The following XPR1 variants were observed in gnomAD, a reference collection of about 807,000 sequenced individuals.
XPR1 encodes solute carrier family 53 member 1.
In XPR1, 28 loss-of-function variants were observed where a neutral mutation model predicts 87.5. The ratio of observed to expected loss-of-function variants is 0.32; its 90% CI spans 0.24 to 0.44. XPR1 has a LOEUF of 0.44. Among genes scored for constraint, XPR1 ranks in the 20% least tolerant of loss-of-function variants. XPR1 has a pLI of 1.00. For missense variants in XPR1, 559 were observed against 862.3 expected, an observed-to-expected ratio of 0.65 and a Z score of 4.41; for synonymous variants, 300 against 306.1, an observed-to-expected ratio of 0.98 and a Z score of 0.21.
At chr1:180,850,293 G>A (rs940100189) in intron 11 of XPR1, among the ~76,000 whole-genome samples, 1 of 152,086 alleles carries the variant, frequency 6.6e-6, no homozygotes, top group South Asian at 2.1e-4. Flanking sequence ...TAGAATATTG[G>A]CAGGCTGTAT....
chr1:180,832,411 A>G (rs890802712), intron 9 of XPR1, among the ~76,000 whole-genome samples: 5 of 152,092 alleles, frequency 3.3e-5, no homozygotes, highest in African/African-American at 1.2e-4. Flanking sequence ...CCATTTGTCA[A>G]TTTTGGCTTT....
chr1:180,792,905 A>T (rs978914298), intron 3 of XPR1, among the ~76,000 whole-genome samples: 1 of 143,314 alleles, frequency 7.0e-6, no homozygotes, highest in African/African-American at 2.9e-5. Context: ...GCCTAATGTT[A>T]AAAAAAAAGT....
At position 180,825,161 on chromosome 1, in the gene XPR1, C is replaced by T. The variant is rs184355955; in HGVS notation, c.955-4C>T. On this transcript the variant is annotated splice_region_variant and splice_polypyrimidine_tract_variant and intron_variant, in intron 8 of 14. Transcript: ENST00000367590. ...ATCTTTCTGTCTTCCCCATCCTTTA[C>T]TAGATTGCTGGATTCCTCGGGATAT... 22 of 1,599,794 alleles carry T rather than the reference C, an allele frequency of 1.4e-5. No homozygotes were observed. The African/African-American group carries it at 2.2e-4, about 16-fold the overall frequency.
chr1:180,884,357 C>G lies in XPR1; in HGVS notation c.*291C>G, dbSNP rs909212297. ...GTATCTTATGGATTGTTTACAATCA[C>G]AAGGACATAGATACCTATCAGGATG... On this transcript the variant is annotated 3_prime_UTR_variant, in exon 15 of 15. Coordinates refer to ENST00000367590, the MANE Select transcript of XPR1 (RefSeq NM_004736.4). 9 of 275,102 alleles carry G rather than the reference C, an allele frequency of 3.3e-5. No individual in the cohort carries two copies. The highest frequency in any genetic ancestry group is 2.0e-4 in the African/African-American group (9 of 44,730). The allele number at this position is 275,102 out of a possible 1,614,324, so 17.0% of individuals were successfully genotyped here.
At position 180,749,985 on chromosome 1, in the gene XPR1, A is replaced by G. The variant is rs543311285; in HGVS notation, c.122-37768A>G. Among the ~76,000 whole-genome samples the G allele has an allele frequency of 4.6e-5, 7 of 152,310 alleles. No individual in the cohort carries two copies. In the South Asian group the frequency reaches 1.5e-3, roughly 32 times the overall value. ...TGCTGGGTCAGATCTAAAAATACCA[A>G]TACTTCATTATATTTCAAAGAGGGA... On this transcript the variant is annotated intron_variant, in intron 2 of 14. Transcript: ENST00000367590.
At chr1:180,748,788 C>T (rs1647393368) in intron 2 of XPR1, among the ~76,000 whole-genome samples, 1 of 152,162 alleles carries the variant, frequency 6.6e-6, no homozygotes, top group Non-Finnish European at 1.5e-5. Flanking sequence ...CTTCCCAACT[C>T]TGTATTCAGT....
intron 1 of XPR1, among the ~76,000 whole-genome samples, chr1:180,680,634 A>T (rs1279374741): frequency 6.6e-6 from 1 of 152,158 alleles, no homozygotes; most frequent in East Asian, 1.9e-4. Context: ...AAGTGCTGGG[A>T]TTGCAGGCGT....
intron 3 of XPR1, among the ~76,000 whole-genome samples, chr1:180,791,268 T>A (rs1649367833): frequency 6.6e-6 from 1 of 151,892 alleles, no homozygotes; most frequent in South Asian, 2.1e-4. Context: ...AGATACTTTG[T>A]TTTTTTTGTT....
chr1:180,705,268 C>T (rs954116933), intron 2 of XPR1, among the ~76,000 whole-genome samples: 1 of 152,064 alleles, frequency 6.6e-6, no homozygotes, highest in African/African-American at 2.4e-5. Flanking sequence ...AGTGCCAATT[C>T]GTGTTTCCTG....
Position 180,843,744 on chromosome 1 carries a change from G to A in XPR1, c.1501+7028G>A, listed in dbSNP as rs572784630. On this transcript the variant is annotated intron_variant, in intron 11 of 14. Transcript: ENST00000367590. ...TATGCTTACACCCAATACCATTTTG[G>A]TAGTCTTATCTCTAGTCACCTTTGT... Among the ~76,000 whole-genome samples, 7 of 149,570 alleles carry A rather than the reference G, an allele frequency of 4.7e-5. No individual in the cohort carries two copies. The South Asian group carries it at 1.5e-3, about 31-fold the overall frequency.
At chr1:180,807,155 A>G (rs1317457571) in intron 6 of XPR1, among the ~76,000 whole-genome samples, 1 of 152,166 alleles carries the variant, frequency 6.6e-6, no homozygotes, top group South Asian at 2.1e-4. Flanking sequence ...ACTTGGCCCA[A>G]AAAAGGGTAT....
chr1:180,755,713 A>G (rs560017862), intron 2 of XPR1, among the ~76,000 whole-genome samples: 1 of 152,308 alleles, frequency 6.6e-6, no homozygotes, highest in Admixed American at 6.5e-5. Flanking sequence ...AAACTGTGAT[A>G]CCATTTTTAT....
chr1:180,724,931 A>G (rs1268583724), intron 2 of XPR1, among the ~76,000 whole-genome samples: 2 of 152,164 alleles, frequency 1.3e-5, no homozygotes, highest in Non-Finnish European at 2.9e-5. Context: ...AAGTGCTGCA[A>G]TTTTTTGTTT....
intron 11 of XPR1, among the ~76,000 whole-genome samples, chr1:180,837,945 G>GT (rs997049917): frequency 1.1e-4 from 17 of 152,108 alleles, no homozygotes; most frequent in African/African-American, 4.1e-4. Context: ...AATGAGTACT[G>GT]TTTTTTGGTC....
At chr1:180,876,044 C>A (rs931689572) in intron 13 of XPR1, among the ~76,000 whole-genome samples, 5 of 151,726 alleles carry the variant, frequency 3.3e-5, no homozygotes, top group African/African-American at 1.2e-4. Context: ...ATACTTTGCA[C>A]AAAGAAAACG....
intron 2 of XPR1, among the ~76,000 whole-genome samples, chr1:180,705,962 A>G (rs780214021): frequency 6.6e-6 from 1 of 152,228 alleles, no homozygotes; most frequent in African/African-American, 2.4e-5. Context: ...TAACATTTAG[A>G]TAGCCTTAGG....
At chr1:180,712,020 A>T (rs1360408188) in intron 2 of XPR1, among the ~76,000 whole-genome samples, 1 of 152,172 alleles carries the variant, frequency 6.6e-6, no homozygotes, top group Admixed American at 6.5e-5. Flanking sequence ...CTGGGGATGC[A>T]TTCCAAGACC....
chr1:180,861,635 A>G (rs1357556380), intron 11 of XPR1, among the ~76,000 whole-genome samples: 1 of 152,080 alleles, frequency 6.6e-6, no homozygotes, highest in Non-Finnish European at 1.5e-5. Context: ...TGAAAATGTG[A>G]TTATATCAGA....
intron 1 of XPR1, among the ~76,000 whole-genome samples, chr1:180,646,107 A>G (rs1463784159): frequency 6.6e-6 from 1 of 152,194 alleles, no homozygotes; most frequent in Non-Finnish European, 1.5e-5. Context: ...ATTCCATACC[A>G]CGGTTCCCAT....
Sources: allele counts gnomAD v4.1 joint callset (sites outside exome capture counted in the v4.1 genomes callset), GRCh38; gene constraint gnomAD v4.1.1; transcripts MANE v1.5; gene names NCBI Gene and HGNC (gene_info 2026-07-23, HGNC 2026-07-21).